RHPN2: variants seen among roughly 807,000 people sequenced by gnomAD.
RHPN2 encodes the protein rhophilin Rho GTPase binding protein 2, also known as rhophilin-2.
A neutral mutation model predicts 79.0 loss-of-function variants in RHPN2; 40 were observed. The observed-to-expected ratio is 0.51, with a 90% CI of 0.39 to 0.66. The LOEUF (loss-of-function observed/expected upper bound fraction) is 0.66, where lower values mean the gene tolerates loss of function less well. RHPN2 is among the 30% of genes least tolerant of loss of function. The pLI is 0.00. For missense variants in RHPN2, 686 were observed against 883.5 expected, an observed-to-expected ratio of 0.78 and a Z score of 2.83; for synonymous variants, 285 against 363.5, an observed-to-expected ratio of 0.78 and a Z score of 2.46.
intron 12 of RHPN2, among the ~76,000 whole-genome samples, chr19:32,993,718 T>A (rs981901854): frequency 6.6e-6 from 1 of 152,154 alleles, no homozygotes; most frequent in Non-Finnish European, 1.5e-5. Context: ...AGGAAGCTCA[T>A]CACCTTTTCT....
intron 7 of RHPN2, among the ~76,000 whole-genome samples, chr19:33,006,938 A>C (rs1971796184): frequency 6.6e-6 from 1 of 152,088 alleles, no homozygotes; most frequent in South Asian, 2.1e-4. Flanking sequence ...GCTACTTGGG[A>C]GGCTGAGGCA....
intron 9 of RHPN2, among the ~76,000 whole-genome samples, chr19:32,999,937 A>G (rs1971735936): frequency 6.6e-6 from 1 of 152,088 alleles, no homozygotes. Context: ...TGGCACAATC[A>G]TAGTTCACTG....
intron 2 of RHPN2, among the ~76,000 whole-genome samples, chr19:33,036,551 C>T (rs1972057113): frequency 6.6e-6 from 1 of 152,162 alleles, no homozygotes; most frequent in Admixed American, 6.5e-5. Flanking sequence ...CTTGAGGAGC[C>T]CTTCAGCCCG....
chr19:33,032,552 T>C (rs1972021787), intron 2 of RHPN2, among the ~76,000 whole-genome samples: 1 of 152,160 alleles, frequency 6.6e-6, no homozygotes, highest in Non-Finnish European at 1.5e-5. Flanking sequence ...TCAGGAGCTC[T>C]GTGCCAGGAA....
intron 4 of RHPN2, among the ~76,000 whole-genome samples, chr19:33,014,849 G>A (rs1418909359): frequency 2.6e-5 from 4 of 152,136 alleles, no homozygotes. Context: ...CCAGCACTTT[G>A]GGAGGCCAAG....
At chr19:33,057,492 C>A (rs1972243443) in intron 1 of RHPN2, among the ~76,000 whole-genome samples, 1 of 151,428 alleles carries the variant, frequency 6.6e-6, no homozygotes, top group Non-Finnish European at 1.5e-5. Context: ...GAGTTCGAGA[C>A]CAACATGGAG....
At position 32,979,776 on chromosome 19, in the gene RHPN2, C is replaced by A; in HGVS notation, c.*220G>T. Reference sequence around the variant, plus strand: ...AATACTTTATATAATAAATAACTTACAGCAGTATAGTAACACACCTCAAAA... The same window carrying A: ...AATACTTTATATAATAAATAACTTAAAGCAGTATAGTAACACACCTCAAAA... On this transcript the variant is annotated 3_prime_UTR_variant, in exon 15 of 15. Transcript: ENST00000254260. The A allele has an allele frequency of 1.7e-6, 1 of 573,310 alleles. No homozygotes were observed. The highest frequency in any genetic ancestry group is 3.1e-6 in the Non-Finnish European group (1 of 322,912). 35.5% of individuals were successfully genotyped at this position (573,310 alleles called of 1,614,324 possible).
intron 7 of RHPN2, among the ~76,000 whole-genome samples, chr19:33,003,856 A>T (rs895626616): frequency 1.3e-5 from 2 of 152,100 alleles, no homozygotes; most frequent in Non-Finnish European, 2.9e-5. Flanking sequence ...AACTGAGTAC[A>T]GAGCTTTGCT....
rs1971808914 is a variant in RHPN2 at position 33,008,177 on chromosome 19, A to G, written c.597T>C (p.Tyr199=). ...TRQMGLLFTW[Y]DSLTGVPVSQ... is the part of the protein sequence containing the mutation. ...TGACCGGAACCCCGGTGAGAGAGTC[A>G]TACCTATGTGAAAGAAATGCATTCC... Residue 199 remains tyrosine (Y), a synonymous_variant, in exon 7 of 15, where the codon TAT becomes TAC. Coordinates refer to ENST00000254260, the MANE Select transcript of RHPN2 (RefSeq NM_033103.5). The G allele has an allele frequency of 6.2e-7, 1 of 1,613,838 alleles. No individual in the cohort carries two copies. The highest frequency in any genetic ancestry group is 1.3e-5 in the African/African-American group (1 of 74,892).
Position 33,043,755 on chromosome 19 carries a change from G to A in RHPN2, c.185+494C>T, listed in dbSNP as rs114503553. Among the ~76,000 whole-genome samples, 362 of 152,272 alleles carry A rather than the reference G, an allele frequency of 2.4e-3. 3 individuals carry two copies. The highest frequency in any genetic ancestry group is 8.2e-3 in the African/African-American group (341 of 41,552). On this transcript the variant is annotated intron_variant, in intron 2 of 14. Transcript: ENST00000254260. Reference sequence around the variant, plus strand: ...GCTGGGTAAGTAACTGTTTTACCACGAGAGCATACTAATGAGTGCCCTAGA... The same window carrying A: ...GCTGGGTAAGTAACTGTTTTACCACAAGAGCATACTAATGAGTGCCCTAGA...
chr19:33,020,809 T>C (rs1456722232), intron 4 of RHPN2, among the ~76,000 whole-genome samples: 1 of 152,174 alleles, frequency 6.6e-6, no homozygotes, highest in East Asian at 1.9e-4. Context: ...CCTTTAGCCA[T>C]TACTTTCAAT....
rs1417853892 is a variant in RHPN2 at position 32,986,901 on chromosome 19, G to A, written c.1800+3613C>T. Among the ~76,000 whole-genome samples, 3 of 151,454 alleles carry A rather than the reference G, an allele frequency of 2.0e-5. No individual in the cohort carries two copies. The South Asian group carries it at 6.3e-4, about 32-fold the overall frequency. On this transcript the variant is annotated intron_variant, in intron 14 of 14. Coordinates refer to ENST00000254260, the MANE Select transcript of RHPN2 (RefSeq NM_033103.5). ...TTTATTATTTTTATTTTTGAGACAGGGTCTTGCTCTGACACCCAGGCTGGA... is the reference window on the plus strand; with the variant it reads ...TTTATTATTTTTATTTTTGAGACAGAGTCTTGCTCTGACACCCAGGCTGGA...
chr19:33,064,888 T>TG, upstream of RHPN2: 1 of 1,483,384 alleles, frequency 6.7e-7, no homozygotes, highest in South Asian at 1.3e-5. Context: ...GACGGCGGAC[T>TG]GAGGCGCGGC....
At chr19:33,016,364 T>A (rs1315856129) in intron 4 of RHPN2, among the ~76,000 whole-genome samples, 1 of 152,140 alleles carries the variant, frequency 6.6e-6, no homozygotes, top group East Asian at 1.9e-4. Flanking sequence ...TGAGCCACTG[T>A]GCCTGGCCCT....
At position 33,063,869 on chromosome 19, in the gene RHPN2, C is replaced by T. The variant is rs917959808; in HGVS notation, c.69+915G>A. Among the ~76,000 whole-genome samples, 10 of 147,500 alleles carry T rather than the reference C, an allele frequency of 6.8e-5. No homozygotes were observed. In the East Asian group the frequency reaches 1.6e-3, roughly 24 times the overall value. On this transcript the variant is annotated intron_variant, in intron 1 of 14. Coordinates refer to ENST00000254260, the MANE Select transcript of RHPN2 (RefSeq NM_033103.5). ...CCGCCAAGTCTCCCGGACAACAAGA[C>T]AAATCCGCTTTGGCACACAGTGAGA...
intron 4 of RHPN2, among the ~76,000 whole-genome samples, chr19:33,014,340 C>G (rs1971861202): frequency 6.6e-6 from 1 of 151,830 alleles, no homozygotes; most frequent in Admixed American, 6.6e-5. Flanking sequence ...GGGTCTTGCT[C>G]TGTCGTCCAG....
At chr19:33,036,879 C>G (rs1599829053) in intron 2 of RHPN2, among the ~76,000 whole-genome samples, 2 of 145,658 alleles carry the variant, frequency 1.4e-5, no homozygotes, top group Non-Finnish European at 3.0e-5. Flanking sequence ...AGCCCCCCCG[C>G]CACCCTCTGT....
At chr19:33,012,487 C>T (rs1006448569) in intron 5 of RHPN2, among the ~76,000 whole-genome samples, 160 bp downstream of exon 5, 3 of 151,982 alleles carry the variant, frequency 2.0e-5, no homozygotes, top group Admixed American at 6.6e-5. Flanking sequence ...CCTCCTTCTA[C>T]AGTTTTCTTA....
chr19:33,036,601 C>A (rs1467877607), intron 2 of RHPN2, among the ~76,000 whole-genome samples: 1 of 152,200 alleles, frequency 6.6e-6, no homozygotes, highest in Non-Finnish European at 1.5e-5. Flanking sequence ...CTGGCCAAGG[C>A]CCGAGCCGGC....
Sources: allele counts gnomAD v4.1 joint callset (sites outside exome capture counted in the v4.1 genomes callset), GRCh38; gene constraint gnomAD v4.1.1; transcripts MANE v1.5; gene names NCBI Gene and HGNC (gene_info 2026-07-23, HGNC 2026-07-21).